Variants in AGMO observed in about 807,000 individuals in gnomAD.
AGMO encodes the protein alkylglycerol monooxygenase.
Under a neutral mutation model 60.2 loss-of-function variants are expected in AGMO, and 75 were observed. That is an observed-to-expected ratio of 1.25 (90% CI 1.03 to 1.51). The LOEUF (loss-of-function observed/expected upper bound fraction) is 1.51, where lower values mean the gene tolerates loss of function less well. Among genes scored for constraint, AGMO ranks in the 40% most tolerant of loss-of-function variants. AGMO has a pLI of 0.00. For missense variants in AGMO, 763 were observed against 525.5 expected (o/e 1.45, Z -4.42); for synonymous variants, 261 against 177.1 (o/e 1.47, Z -3.76).
chr7:15,394,345 G>A (rs1784282159), intron 5 of AGMO, among the ~76,000 whole-genome samples, 166 bp from the exon 6 acceptor site: 1 of 152,116 alleles, frequency 6.6e-6, no homozygotes, highest in Non-Finnish European at 1.5e-5. Context: ...TTCATATAAA[G>A]ACAATAGTAA....
intron 12 of AGMO, among the ~76,000 whole-genome samples, chr7:15,300,210 G>A (rs1303989555): frequency 6.6e-6 from 1 of 152,158 alleles, no homozygotes; most frequent in Non-Finnish European, 1.5e-5. Flanking sequence ...ATATCAGATA[G>A]AGGGGAAAAA....
intron 12 of AGMO, among the ~76,000 whole-genome samples, chr7:15,323,459 T>C (rs543238391): frequency 6.6e-6 from 1 of 152,288 alleles, no homozygotes; most frequent in East Asian, 1.9e-4. Context: ...ATACAGTGTA[T>C]ACAATAAATA....
At chr7:15,526,459 A>G (rs940007530) in intron 3 of AGMO, among the ~76,000 whole-genome samples, 2 of 152,132 alleles carry the variant, frequency 1.3e-5, no homozygotes, top group Non-Finnish European at 2.9e-5. Flanking sequence ...CCACTGCAAG[A>G]TATCTCGCCT....
At chr7:15,172,838 C>T in the AGMO span, among the ~76,000 whole-genome samples, 2 of 152,018 alleles carry the variant, frequency 1.3e-5, no homozygotes, top group Non-Finnish European at 2.9e-5. Flanking sequence ...AAGAGGATGG[C>T]GCTGTGTTTC....
chr7:15,374,057 T>A (rs1182766233), intron 10 of AGMO, among the ~76,000 whole-genome samples: 1 of 152,198 alleles, frequency 6.6e-6, no homozygotes, highest in African/African-American at 2.4e-5. Context: ...AGCTTGCGGA[T>A]TTGTTATGCT....
At chr7:15,399,297 T>C (rs959937436) in intron 5 of AGMO, among the ~76,000 whole-genome samples, 24 of 152,254 alleles carry the variant, frequency 1.6e-4, no homozygotes, top group African/African-American at 5.8e-4. Flanking sequence ...GGGGAGAAAT[T>C]CTACAATTTC....
chr7:15,434,275 C>G (rs1424352343), intron 3 of AGMO, among the ~76,000 whole-genome samples: 1 of 152,106 alleles, frequency 6.6e-6, no homozygotes, highest in Non-Finnish European at 1.5e-5. Context: ...GCTAACTAGG[C>G]AAGGCATCCT....
intron 12 of AGMO, among the ~76,000 whole-genome samples, chr7:15,354,813 T>C (rs965116377): frequency 2.6e-5 from 4 of 151,320 alleles, no homozygotes; most frequent in Non-Finnish European, 4.4e-5. Flanking sequence ...CTGAATTTTT[T>C]CTCGTAATTC....
Position 15,202,458 on chromosome 7 carries a change from C to CAAAAAAAAAAAA in AGMO, c.1264-1111_1264-1100dup, listed in dbSNP as rs71004370. 1.8e-3 allele frequency among the ~76,000 whole-genome samples: 81 copies of CAAAAAAAAAAAA among 45,370 alleles called. 9 individuals carry two copies. Among genetic ancestry groups the CAAAAAAAAAAAA allele is most frequent in the East Asian group, 9.8e-3 (9 of 914 alleles). 29.8% of individuals were successfully genotyped at this position (45,370 alleles called of 152,430 possible). A position where few individuals can be genotyped will look rare whatever the true frequency, so the allele number is the denominator to read the frequency against. ...CACCAACAACCAAAATACAAATGAGCAAAAAAAAAAAAAAAAAAAAAAAAA... is the reference window on the plus strand; with the variant it reads ...CACCAACAACCAAAATACAAATGAGCAAAAAAAAAAAAAAAAAAAAAAAAAAAAAAAAAAAAA... On this transcript the variant is annotated intron_variant, in intron 12 of 12. Coordinates refer to ENST00000342526, the MANE Select transcript of AGMO (RefSeq NM_001004320.2).
At chr7:15,268,833 G>A (rs191816788) in intron 12 of AGMO, among the ~76,000 whole-genome samples, 1 of 152,100 alleles carries the variant, frequency 6.6e-6, no homozygotes, top group East Asian at 1.9e-4. Context: ...ATTTTGACTT[G>A]TTAGATTATT....
At chr7:15,472,960 T>A (rs1167253881) in intron 3 of AGMO, among the ~76,000 whole-genome samples, 1 of 151,912 alleles carries the variant, frequency 6.6e-6, no homozygotes, top group Non-Finnish European at 1.5e-5. Context: ...AGTGAACTCT[T>A]CATGATTGTT....
intron 3 of AGMO, among the ~76,000 whole-genome samples, chr7:15,453,790 G>T (rs979441297): frequency 2.0e-5 from 3 of 152,042 alleles, no homozygotes; most frequent in African/African-American, 7.2e-5. Context: ...AGGTTTGGAG[G>T]ACACAGACGT....
chr7:15,137,317 T>C, the AGMO span, among the ~76,000 whole-genome samples: 1 of 152,226 alleles, frequency 6.6e-6, no homozygotes, highest in Non-Finnish European at 1.5e-5. Context: ...CAGAAACTCC[T>C]GGATACTTTT....
intron 12 of AGMO, among the ~76,000 whole-genome samples, chr7:15,291,840 T>C (rs1266176456): frequency 6.6e-6 from 1 of 152,026 alleles, no homozygotes; most frequent in Non-Finnish European, 1.5e-5. Flanking sequence ...AGAAGAGCAA[T>C]GAAGGCAAAA....
intron 12 of AGMO, among the ~76,000 whole-genome samples, chr7:15,238,433 C>T (rs149030860): frequency 3.7e-4 from 56 of 151,722 alleles, no homozygotes; most frequent in Admixed American, 1.1e-3. Context: ...ATTCCCAACA[C>T]GAAGAAAATA....
chr7:15,346,848 TTAG>T (rs1206089479), intron 12 of AGMO, among the ~76,000 whole-genome samples: 1 of 141,900 alleles, frequency 7.0e-6, no homozygotes, highest in African/African-American at 2.7e-5. Context: ...CTTGTTTAAA[TTAG>T]TAGTAAGTAA....
chr7:15,559,668 T>G (rs939195706), intron 2 of AGMO, among the ~76,000 whole-genome samples: 1 of 152,086 alleles, frequency 6.6e-6, no homozygotes, highest in African/African-American at 2.4e-5. Context: ...AGAGAGCCAG[T>G]GAAGGGTTTC....
intron 12 of AGMO, among the ~76,000 whole-genome samples, chr7:15,318,854 TG>T (rs942952869): frequency 6.6e-6 from 1 of 152,190 alleles, no homozygotes; most frequent in African/African-American, 2.4e-5. Flanking sequence ...TCAGGCTTCT[TG>T]ATGCTGTCCA....
At chr7:15,238,807 G>A (rs1288029129) in intron 12 of AGMO, among the ~76,000 whole-genome samples, 1 of 151,944 alleles carries the variant, frequency 6.6e-6, no homozygotes, top group Non-Finnish European at 1.5e-5. Flanking sequence ...GCAATAAAAT[G>A]TCATAGAAAG....
Sources: allele counts gnomAD v4.1 joint callset (sites outside exome capture counted in the v4.1 genomes callset), GRCh38; gene constraint gnomAD v4.1.1; transcripts MANE v1.5; gene names NCBI Gene and HGNC (gene_info 2026-07-23, HGNC 2026-07-21).